CREB3L3: variants seen among roughly 807,000 people sequenced by gnomAD.
The protein encoded by CREB3L3 is cAMP responsive element binding protein 3 like 3, also known as cyclic AMP-responsive element-binding protein 3-like protein 3.
Under a neutral mutation model 44.6 loss-of-function variants are expected in CREB3L3, and 40 were observed. That is an observed-to-expected ratio of 0.90 (90% confidence interval 0.70 to 1.17). The LOEUF is 1.17. Among genes scored for constraint, CREB3L3 ranks in the 50% most tolerant of loss-of-function variants. The pLI, the probability that CREB3L3 is intolerant of heterozygous loss-of-function variation, is 0.00. For missense variants in CREB3L3, 578 were observed against 595.8 expected, an observed-to-expected ratio of 0.97 and a Z score of 0.31; for synonymous variants, 273 against 256.3, an observed-to-expected ratio of 1.06 and a Z score of -0.62.
At chr19:4,153,868 A>G (rs778255661) in intron 1 of CREB3L3, 94 bp downstream of exon 1, 35 of 1,346,058 alleles carry the variant, frequency 2.6e-5, no homozygotes, top group Non-Finnish European at 2.5e-5. Flanking sequence ...CTCCACCCCT[A>G]TTGTACAGAT....
rs2041536707 is a variant in CREB3L3, at chr19:4,153,645, G to A, written c.-103G>A. ...TTGGGAGTGGTGACAGAGCCACAGA[G>A]GGCTGTGAGCTTGCCCGGCCCCAGG... On this transcript the variant is annotated 5_prime_UTR_variant, in exon 1 of 10. Transcript: ENST00000078445. The A allele has an allele frequency of 2.1e-6, 3 of 1,407,186 alleles. No homozygotes were observed. Among genetic ancestry groups the A allele is most frequent in the African/African-American group, 2.8e-5 (2 of 70,946 alleles). 87.2% of individuals were successfully genotyped at this position (1,407,186 alleles called of 1,614,324 possible).
chr19:4,165,858 CAA>C (rs1011395807), intron 5 of CREB3L3, among the ~76,000 whole-genome samples: 3 of 152,052 alleles, frequency 2.0e-5, no homozygotes, highest in Non-Finnish European at 2.9e-5. Flanking sequence ...GCCTGGGTGA[CAA>C]GAGCGAAACT....
In CREB3L3 at chr19:4,168,407, GC is replaced by G. The variant is rs1966971734; in HGVS notation, c.772del (p.Gln258LysfsTer46). 2 of 1,611,100 alleles carry G rather than the reference GC, an allele frequency of 1.2e-6. No homozygotes were observed. Among genetic ancestry groups the G allele is most frequent in the Non-Finnish European group, 1.7e-6 (2 of 1,178,400 alleles). Reference sequence around the variant, plus strand: ...GGAAAATCCGGAACAAGCAGTCGGCGCAAGAAAGCAGGAAGAAGAAGAAGGA... The same window carrying G: ...GGAAAATCCGGAACAAGCAGTCGGCGAAGAAAGCAGGAAGAAGAAGAAGGA... Reference protein sequence around the residue: ...RRKIRNKQSAQESRKKKKEYI... With the variant: ...RRKIRNKQSAXESRKKKKEYI... On this transcript the variant is annotated frameshift_variant, in exon 6 of 10. Transcript: ENST00000078445. LOFTEE classifies it high-confidence loss of function.
intron 6 of CREB3L3, 34 bp downstream of exon 6, chr19:4,168,491 G>A: frequency 1.3e-6 from 2 of 1,519,592 alleles, no homozygotes; most frequent in Non-Finnish European, 1.8e-6. Context: ...CTACACTCGT[G>A]GAGGAAACTG....
In CREB3L3 at chr19:4,171,185, G is replaced by T; in HGVS notation, c.975+10G>T. On this transcript the variant is annotated intron_variant, in intron 8 of 9. Transcript: ENST00000078445. This position sits in a 1 kb window ranked among gnomAD's most constrained non-coding sequence, Gnocchi z 4.9. ...AGGCACCTGTGTCGCAGTGAGTCCTGGTGCCCCCAGGCAAGCCGGGGACCT... is the reference window on the plus strand; with the variant it reads ...AGGCACCTGTGTCGCAGTGAGTCCTTGTGCCCCCAGGCAAGCCGGGGACCT... 1 of 1,612,714 alleles carries T rather than the reference G, an allele frequency of 6.2e-7. No homozygotes were observed. Among genetic ancestry groups the T allele is most frequent in the Non-Finnish European group, 8.5e-7 (1 of 1,178,752 alleles).
rs1967048478 is a variant in CREB3L3, at chr19:4,171,568, C to T, written c.1073-88C>T. 1.2e-6 allele frequency: 2 copies of T among 1,600,548 alleles called. No homozygotes were observed. The highest frequency in any genetic ancestry group is 3.3e-5 in the Admixed American group (2 of 59,966). On this transcript the variant is annotated intron_variant, in intron 9 of 9. Transcript: ENST00000078445. The surrounding 1 kb of genome is among the most constrained non-coding windows in gnomAD (Gnocchi z 4.9). ...GGGGAGGGGGAGAAGACCCCTGTGC[C>T]CTTGTTCCCTGAGGCTGGGGGCCAG...
chr19:4,170,168 G>C lies in CREB3L3; in HGVS notation c.850G>C (p.Glu284Gln), dbSNP rs750421231. The change falls in exon 7 of 10, where the codon GAG becomes CAG. Residue 284 changes from glutamate (E) to glutamine (Q), a missense_variant. Physicochemically the swap from Glu to Gln is conservative, Grantham distance 29. Coordinates refer to ENST00000078445, the MANE Select transcript of CREB3L3 (RefSeq NM_032607.3). ...GTCAGCTTGCACTGCTCAGAATCAG[G>C]AGTTACAGAGGAAAGTCTTGCATCT... ...RMSACTAQNQ[E>Q]LQRKVLHLEK... The C allele has an allele frequency of 6.2e-7, 1 of 1,613,984 alleles. No homozygotes were observed. Among genetic ancestry groups the C allele is most frequent in the South Asian group, 1.1e-5 (1 of 91,084 alleles).
chr19:4,171,413 C>G lies in CREB3L3; in HGVS notation c.1006C>G (p.Leu336Val). 1 of 1,614,152 alleles carries G rather than the reference C, an allele frequency of 6.2e-7. No individual in the cohort carries two copies. The highest frequency in any genetic ancestry group is 8.5e-7 in the Non-Finnish European group (1 of 1,180,012). Reference sequence around the variant, plus strand: ...GTTGCTGTCCTTTGCCCTCATCATCCTCCCCTCCATCAGCCCTTTTGGCCC... The same window carrying G: ...GTTGCTGTCCTTTGCCCTCATCATCGTCCCCTCCATCAGCCCTTTTGGCCC... ...VLLLSFALII[L>V]PSISPFGPNK... Residue 336 changes from leucine to valine, a missense_variant, in exon 9 of 10, where the codon CTC (leucine) becomes GTC (valine). By Grantham distance (32) the Leu-to-Val change is conservative. Transcript: ENST00000078445. This position sits in a 1 kb window ranked among gnomAD's most constrained non-coding sequence, Gnocchi z 4.9.
intron 5 of CREB3L3, among the ~76,000 whole-genome samples, chr19:4,167,973 T>TTATATTTA (rs1555704041): frequency 1.4e-5 from 2 of 144,848 alleles, no homozygotes; most frequent in African/African-American, 5.1e-5. Context: ...ATTTTAATTA[T>TTATATTTA]TTTATTTATT....
At chr19:4,167,993 ATT>A (rs1491429270) in intron 5 of CREB3L3, among the ~76,000 whole-genome samples, 2 of 149,802 alleles carry the variant, frequency 1.3e-5, no homozygotes, top group African/African-American at 4.9e-5. Flanking sequence ...TTATTTATTT[ATT>A]TATTTATCTA....
At chr19:4,156,442 C>G (rs1416391593) in intron 2 of CREB3L3, among the ~76,000 whole-genome samples, 1 of 151,742 alleles carries the variant, frequency 6.6e-6, no homozygotes, top group Admixed American at 6.6e-5. Context: ...CCGCCTTGGC[C>G]TCCCAAAGTG....
Position 4,171,298 on chromosome 19 carries a change from T to TG in CREB3L3, c.976-81dup. 3.5e-6 allele frequency: 5 copies of TG among 1,440,652 alleles called. No homozygotes were observed. Among genetic ancestry groups the TG allele is most frequent in the Non-Finnish European group, 4.8e-6 (5 of 1,037,792 alleles). 89.2% of individuals were successfully genotyped at this position (1,440,652 alleles called of 1,614,324 possible). A position where few individuals can be genotyped will look rare whatever the true frequency, so the allele number is the denominator to read the frequency against. On this transcript the variant is annotated intron_variant, in intron 8 of 9. Transcript: ENST00000078445. This position sits in a 1 kb window ranked among gnomAD's most constrained non-coding sequence, Gnocchi z 4.9. ...CTCAAGTATGATCCAGTCTGGTCTTTGGGGCCTCAGTTTCCCTGCCTGTGG... is the reference window on the plus strand; with the variant it reads ...CTCAAGTATGATCCAGTCTGGTCTTTGGGGGCCTCAGTTTCCCTGCCTGTGG...
chr19:4,164,376 G>T (rs953952944), intron 4 of CREB3L3, 127 bp from the exon 5 acceptor site: 1 of 1,157,866 alleles, frequency 8.6e-7, no homozygotes, highest in African/African-American at 1.5e-5. Flanking sequence ...TCTAAGTGCT[G>T]GGATGACAGG....
Position 4,157,071 on chromosome 19 carries a change from C to T in CREB3L3, c.233C>T (p.Pro78Leu). The T allele has an allele frequency of 6.2e-7, 1 of 1,614,120 alleles. No homozygotes were observed. The change falls in exon 3 of 10, where the codon CCA becomes CTA. Residue 78 changes from proline (P) to leucine (L), a missense_variant. Pro to Leu is a moderately conservative substitution (Grantham distance 98). Coordinates refer to ENST00000078445, the MANE Select transcript of CREB3L3 (RefSeq NM_032607.3). ...TCTGGAGACTCACTGCCCAGCTCCCCACTCTGGTCCCCCGAAGGCAGTGAT... is the reference window on the plus strand; with the variant it reads ...TCTGGAGACTCACTGCCCAGCTCCCTACTCTGGTCCCCCGAAGGCAGTGAT... ...LGSGDSLPSS[P>L]LWSPEGSDSG... is the part of the protein sequence containing the mutation.
chr19:4,165,376 T>C (rs1038082533), intron 5 of CREB3L3, among the ~76,000 whole-genome samples: 1 of 150,970 alleles, frequency 6.6e-6, no homozygotes, highest in African/African-American at 2.4e-5. Context: ...GGTCTTGTTA[T>C]GTTGCCCAGG....
At chr19:4,160,029 T>C (rs111959844) in intron 4 of CREB3L3, among the ~76,000 whole-genome samples, 3,268 of 152,024 alleles carry the variant, frequency 0.021, 105 homozygotes, top group African/African-American at 0.073. Context: ...AGTGTGGTGG[T>C]TCACACCTGT....
intron 7 of CREB3L3, among the ~76,000 whole-genome samples, chr19:4,170,502 C>T (rs1967019239): frequency 6.6e-6 from 1 of 151,906 alleles, no homozygotes. Flanking sequence ...GTCCCAGCTA[C>T]TCGAGAGGCT....
chr19:4,155,148 T>G, intron 2 of CREB3L3, 121 bp downstream of exon 2: 1 of 1,249,914 alleles, frequency 8.0e-7, no homozygotes, highest in Non-Finnish European at 1.1e-6. Flanking sequence ...TACGATGCAC[T>G]AATGGGTCAC....
In CREB3L3 at chr19:4,157,310, GTC is replaced by G; in HGVS notation, c.457+19_457+20del. 1 of 1,613,904 alleles carries G rather than the reference GTC, an allele frequency of 6.2e-7. No homozygotes were observed. The highest frequency in any genetic ancestry group is 8.5e-7 in the Non-Finnish European group (1 of 1,179,868). ...CATAGACCTGGGTGAGTCCTGCTGT[GTC>G]TCTGCCCACCGCCCTCACCTTGTTC... On this transcript the variant is annotated intron_variant, in intron 3 of 9. Transcript: ENST00000078445.
Sources: allele counts gnomAD v4.1 joint callset (sites outside exome capture counted in the v4.1 genomes callset), GRCh38; gene constraint gnomAD v4.1.1; non-coding constraint Gnocchi (gnomAD v3.1); transcripts MANE v1.5; gene names NCBI Gene and HGNC (gene_info 2026-07-23, HGNC 2026-07-21).